Variants in FBXO5 observed in about 807,000 individuals in gnomAD.
FBXO5 encodes F-box protein 5.
A neutral mutation model predicts 43.3 loss-of-function variants in FBXO5; 8 were observed. That is an observed-to-expected ratio of 0.18 (90% CI 0.11 to 0.33). The LOEUF (loss-of-function observed/expected upper bound fraction) is 0.33. Among genes scored for constraint, FBXO5 ranks in the 10% least tolerant of loss-of-function variants. The pLI, the probability that FBXO5 is intolerant of heterozygous loss-of-function variation, is 1.00. For synonymous variants in FBXO5, 204 were observed against 193.7 expected, an observed-to-expected ratio of 1.05 and a Z score of -0.44; for missense variants, 491 against 535.7, an observed-to-expected ratio of 0.92 and a Z score of 0.82.
chr6:152,977,902 C>T (rs192698795), intron 1 of FBXO5, among the ~76,000 whole-genome samples: 1 of 152,190 alleles, frequency 6.6e-6, no homozygotes, highest in African/African-American at 2.4e-5. Flanking sequence ...TGAATATGGA[C>T]AGTTCCTTAA....
At chr6:152,983,082 T>C (rs557995288), upstream of FBXO5, 1 of 538,844 alleles carries the variant, frequency 1.9e-6, no homozygotes, top group African/African-American at 2.0e-5. Context: ...AATCTTTGAA[T>C]TTGGTGCCTA....
At chr6:152,981,682 G>C (rs906496757) in intron 1 of FBXO5, among the ~76,000 whole-genome samples, 23 of 150,486 alleles carry the variant, frequency 1.5e-4, no homozygotes, top group Admixed American at 1.5e-3. Context: ...ACCCTCATAA[G>C]GCCATCAAGC....
intron 1 of FBXO5, among the ~76,000 whole-genome samples, chr6:152,980,563 T>TG (rs945309868): frequency 1.3e-5 from 2 of 152,116 alleles, no homozygotes; most frequent in African/African-American, 2.4e-5. Context: ...CATTGGCAAT[T>TG]GTGGAGAATG....
rs541868130 is a variant in FBXO5, at chr6:152,974,830, A to G, written c.818+77T>C. On this transcript the variant is annotated intron_variant, in intron 2 of 4. Coordinates refer to ENST00000229758, the MANE Select transcript of FBXO5 (RefSeq NM_012177.5). ...ACTCAACCTGTACAACAGCCTTTGC[A>G]TGAGCTGGTGGTACTGAGCCACTAA... The G allele has an allele frequency of 3.5e-6, 4 of 1,127,460 alleles. No homozygotes were observed. The East Asian group carries it at 7.1e-5, about 20-fold the overall frequency. The allele number at this position is 1,127,460 out of a possible 1,614,324, so 69.8% of individuals were successfully genotyped here. A position where few individuals can be genotyped will look rare whatever the true frequency, so the allele number is the denominator to read the frequency against.
intron 1 of FBXO5, among the ~76,000 whole-genome samples, chr6:152,979,208 C>A (rs1447972630): frequency 1.3e-5 from 2 of 152,144 alleles, no homozygotes; most frequent in Admixed American, 1.3e-4. Context: ...GTAGTTTCTA[C>A]CTAAAATCTT....
At chr6:152,977,242 C>A (rs1411204328) in intron 1 of FBXO5, among the ~76,000 whole-genome samples, 1 of 152,146 alleles carries the variant, frequency 6.6e-6, no homozygotes, top group Non-Finnish European at 1.5e-5. Flanking sequence ...TTAAAATGTG[C>A]CCCATCTACC....
intron 1 of FBXO5, among the ~76,000 whole-genome samples, chr6:152,980,697 T>A (rs1024483620): frequency 2.6e-5 from 4 of 152,090 alleles, no homozygotes; most frequent in Admixed American, 2.6e-4. Flanking sequence ...AAATTCAAGG[T>A]CTGTTATTTA....
chr6:152,977,894 A>C (rs1012471316), intron 1 of FBXO5, among the ~76,000 whole-genome samples: 1 of 152,220 alleles, frequency 6.6e-6, no homozygotes, highest in African/African-American at 2.4e-5. Context: ...CTGTTCTTTG[A>C]ATATGGACAG....
chr6:152,971,718 T>C (rs1044564296), intron 4 of FBXO5, among the ~76,000 whole-genome samples: 8 of 152,206 alleles, frequency 5.3e-5, no homozygotes, highest in African/African-American at 1.9e-4. Context: ...TTCTATAATT[T>C]TGGTAAGTTA....
At position 152,970,578 on chromosome 6, in the gene FBXO5, A is replaced by G. The variant is rs1778070780; in HGVS notation, c.*585T>C. 1 of 152,276 alleles carries G rather than the reference A, an allele frequency of 6.6e-6. No homozygotes were observed. Among genetic ancestry groups the G allele is most frequent in the Non-Finnish European group, 1.5e-5 (1 of 68,068 alleles). 9.4% of individuals were successfully genotyped at this position (152,276 alleles called of 1,614,324 possible). ...ATTTTTATATGTACATACAAGAGAC[A>G]TATTCTTTGACATATAAAAAATACA... On this transcript the variant is annotated 3_prime_UTR_variant, in exon 5 of 5. Coordinates refer to ENST00000229758, the MANE Select transcript of FBXO5 (RefSeq NM_012177.5).
Position 152,982,996 on chromosome 6 carries a change from C to A in FBXO5, c.-37G>T, listed in dbSNP as rs1158378149. The stretch of plus-strand genomic sequence containing the variant: ...TGGAGTCTGCCTCAGGTGGAGGAAC[C>A]GCTCCGGGGGCAGCTGAGCAACCTG... On this transcript the variant is annotated 5_prime_UTR_variant, in exon 1 of 5. Coordinates refer to ENST00000229758, the MANE Select transcript of FBXO5 (RefSeq NM_012177.5). 2 of 1,296,270 alleles carry A rather than the reference C, an allele frequency of 1.5e-6. No individual in the cohort carries two copies. The highest frequency in any genetic ancestry group is 2.0e-6 in the Non-Finnish European group (2 of 1,002,654). 80.3% of individuals were successfully genotyped at this position (1,296,270 alleles called of 1,614,324 possible).
chr6:152,979,971 A>C (rs1778236299), intron 1 of FBXO5, among the ~76,000 whole-genome samples: 1 of 152,226 alleles, frequency 6.6e-6, no homozygotes, highest in Non-Finnish European at 1.5e-5. Flanking sequence ...ATTTAATTTT[A>C]AAATATGAAA....
chr6:152,972,291 C>A lies in FBXO5; in HGVS notation c.1073G>T (p.Arg358Leu). 1 of 1,607,988 alleles carries A rather than the reference C, an allele frequency of 6.2e-7. No individual in the cohort carries two copies. Among genetic ancestry groups the A allele is most frequent in the South Asian group, 1.1e-5 (1 of 89,980 alleles). Reference sequence around the variant, plus strand: ...AATTACCTCAGAGAATTCATTGTGTCGACTATAAGTAGAACCTTTCTGATC... The same window carrying A: ...AATTACCTCAGAGAATTCATTGTGTAGACTATAAGTAGAACCTTTCTGATC... The part of the protein sequence containing the change: ...QGDQKGSTYS[R>L]HNEFSEVAKT... Residue 358 changes from arginine to leucine, a missense_variant, in exon 4 of 5, where the codon CGA (arginine) becomes CTA (leucine). Physicochemically the swap from Arg to Leu is moderately radical, Grantham distance 102 (BLOSUM62 -2). Coordinates refer to ENST00000229758, the MANE Select transcript of FBXO5 (RefSeq NM_012177.5).
chr6:152,972,469 A>C lies in FBXO5; in HGVS notation c.910-15T>G, dbSNP rs1778102377. ...TTGTTGTTTTCCTAATTTAAAAAAAAGTTTTAATAGAATTTAGAAATTATT... is the reference window on the plus strand; with the variant it reads ...TTGTTGTTTTCCTAATTTAAAAAAACGTTTTAATAGAATTTAGAAATTATT... On this transcript the variant is annotated splice_polypyrimidine_tract_variant and intron_variant, in intron 3 of 4. Coordinates refer to ENST00000229758, the MANE Select transcript of FBXO5 (RefSeq NM_012177.5). The C allele has an allele frequency of 6.5e-7, 1 of 1,537,226 alleles. No individual in the cohort carries two copies. Among genetic ancestry groups the C allele is most frequent in the Admixed American group, 1.9e-5 (1 of 53,096 alleles).
chr6:152,972,153 G>A (rs1778095951), intron 4 of FBXO5, 119 bp downstream of exon 4: 1 of 588,246 alleles, frequency 1.7e-6, no homozygotes, highest in Non-Finnish European at 2.8e-6. Context: ...GTTTCTTAAT[G>A]TCAGAGAATA....
upstream of FBXO5, chr6:152,983,161 G>A (rs1778294501): frequency 7.5e-6 from 3 of 399,676 alleles, no homozygotes; most frequent in South Asian, 9.0e-5. Flanking sequence ...GGGTGGGGGC[G>A]CCCTCGTCCG....
Position 152,975,114 on chromosome 6 carries a change from G to A in FBXO5, c.611C>T (p.Thr204Ile). The change falls in exon 2 of 5, where the codon ACA becomes ATA. Residue 204 changes from threonine (T) to isoleucine (I), a missense_variant. Coordinates refer to ENST00000229758, the MANE Select transcript of FBXO5 (RefSeq NM_012177.5). ...VLHFEKVVCSTLKKNAKRNPK... is the reference protein window; with the variant it reads ...VLHFEKVVCSILKKNAKRNPK... ...ATTTCGTTTTGCATTCTTTTTTAAT[G>A]TTGAACAAACCACTTTTTCAAAATG... is the stretch of plus-strand genomic sequence containing the variant. 1 of 1,614,114 alleles carries A rather than the reference G, an allele frequency of 6.2e-7. No homozygotes were observed.
Position 152,971,217 on chromosome 6 carries a change from T to A in FBXO5, c.1290A>T (p.Lys430Asn). 1 of 1,613,896 alleles carries A rather than the reference T, an allele frequency of 6.2e-7. No individual in the cohort carries two copies. Among genetic ancestry groups the A allele is most frequent in the Non-Finnish European group, 8.5e-7 (1 of 1,179,902 alleles). The change falls in exon 5 of 5, where the codon AAA becomes AAT. Residue 430 changes from lysine to asparagine, a missense_variant. By Grantham distance (94) the Lys-to-Asn change is moderately conservative. Transcript: ENST00000229758. ...TCTTTGTACCAGGCAGGGGACCTAT[T>A]TTACAACTGGCTTTGAGGAGCTTGC... is the stretch of plus-strand genomic sequence containing the variant. ...SDGKLLKASC[K>N]IGPLPGTKKS...
At chr6:152,971,767 A>C (rs964609698) in intron 4 of FBXO5, among the ~76,000 whole-genome samples, 1 of 152,196 alleles carries the variant, frequency 6.6e-6, no homozygotes, top group Non-Finnish European at 1.5e-5. Flanking sequence ...ATTTGAGTAG[A>C]AATTTTAGCA....
Sources: allele counts gnomAD v4.1 joint callset (sites outside exome capture counted in the v4.1 genomes callset), GRCh38; gene constraint gnomAD v4.1.1; transcripts MANE v1.5; gene names NCBI Gene and HGNC (gene_info 2026-07-23, HGNC 2026-07-21).